The following GCNT2 variants were observed in gnomAD, a reference collection of about 807,000 sequenced individuals.
GCNT2 encodes glucosaminyl (N-acetyl) transferase 2 (I blood group).
A neutral mutation model predicts 34.2 loss-of-function variants in GCNT2; 34 were observed. That is an observed-to-expected ratio of 1.00 (90% CI 0.76 to 1.32). The LOEUF is 1.32. Among genes scored for constraint, GCNT2 ranks in the 40% most tolerant of loss-of-function variants. The probability of loss-of-function intolerance (pLI) is 0.00; values close to 1 mark genes in which losing one functional copy is unlikely to be tolerated. For synonymous variants in GCNT2, 212 were observed against 188.0 expected (o/e 1.13, Z -1.04); for missense variants, 584 against 489.4 (o/e 1.19, Z -1.82).
intron 3 of GCNT2, among the ~76,000 whole-genome samples, chr6:10,537,707 AAAAAAAAAAAAAAAAAAAAC>A: frequency 1.8e-5 from 1 of 55,702 alleles, no homozygotes; most frequent in African/African-American, 4.5e-5. Context: ...GCAAAAAAAA[AAAAAAAAAAAAAAAAAAAAC>A]AAAACAAAGA....
At chr6:10,606,186 A>G (rs1765303654) in intron 3 of GCNT2, among the ~76,000 whole-genome samples, 1 of 152,216 alleles carries the variant, frequency 6.6e-6, no homozygotes, top group Non-Finnish European at 1.5e-5. Flanking sequence ...GTGGTGGTGC[A>G]TGCCTGTAAT....
intron 3 of GCNT2, among the ~76,000 whole-genome samples, chr6:10,618,622 C>G (rs148990817): frequency 1.4e-4 from 22 of 152,300 alleles, no homozygotes; most frequent in African/African-American, 4.3e-4. Context: ...GCTAAGCACA[C>G]AAATGTCGGT....
At chr6:10,528,485 G>T (rs1761306888) in intron 2 of GCNT2, 146 bp from the exon 3 acceptor site, 1 of 243,854 alleles carries the variant, frequency 4.1e-6, no homozygotes, top group Non-Finnish European at 8.1e-6. Context: ...ATAGTTACTA[G>T]ACTCTGGCCG....
chr6:10,562,154 G>A (rs11961807), intron 3 of GCNT2, among the ~76,000 whole-genome samples: 38,341 of 151,884 alleles, frequency 0.25, 5,078 homozygotes, highest in African/African-American at 0.32. Flanking sequence ...TCATCTCCCT[G>A]TGGGGAGACC....
chr6:10,574,804 C>T (rs759546221), intron 3 of GCNT2: 8 of 623,232 alleles, frequency 1.3e-5, no homozygotes, highest in Non-Finnish European at 2.1e-5. Context: ...CCCACTGGCT[C>T]TCATAAAGTG....
rs751226018 is a variant in GCNT2, at chr6:10,621,480, G to A, written c.1018+37G>A. Reference sequence around the variant, plus strand: ...GTTCCATGCTTCTAGGCCACTGCCTGTTGGTGTTAGCAGGAAGGTAGCTGT... The same window carrying A: ...GTTCCATGCTTCTAGGCCACTGCCTATTGGTGTTAGCAGGAAGGTAGCTGT... On this transcript the variant is annotated intron_variant, in intron 4 of 4. Transcript: ENST00000495262. The A allele has an allele frequency of 5.4e-6, 7 of 1,307,878 alleles. No homozygotes were observed. In the Admixed American group the frequency reaches 1.0e-4, roughly 19 times the overall value. 81.0% of individuals were successfully genotyped at this position (1,307,878 alleles called of 1,614,324 possible).
intron 3 of GCNT2, among the ~76,000 whole-genome samples, chr6:10,543,161 G>A (rs1272251114): frequency 1.3e-5 from 2 of 151,800 alleles, no homozygotes; most frequent in Non-Finnish European, 2.9e-5. Flanking sequence ...ACCAGCCTCG[G>A]CCTCCCAAAG....
intron 3 of GCNT2, among the ~76,000 whole-genome samples, chr6:10,568,320 C>T (rs1341244476): frequency 1.3e-5 from 2 of 152,172 alleles, no homozygotes; most frequent in Admixed American, 1.3e-4. Context: ...GTATGGCCAT[C>T]CTTCAAGTCA....
At chr6:10,558,080 T>TC (rs1271843059) in intron 3 of GCNT2, 1 of 152,340 alleles carries the variant, frequency 6.6e-6, no homozygotes, top group Non-Finnish European at 1.5e-5. Flanking sequence ...GCTCTGATAC[T>TC]CCCCCTCATT....
chr6:10,544,194 A>G (rs1053146103), intron 3 of GCNT2, among the ~76,000 whole-genome samples: 8 of 152,120 alleles, frequency 5.3e-5, no homozygotes, highest in Admixed American at 2.0e-4. Context: ...TGCGCCTGTA[A>G]TCCCAGCTAC....
At position 10,626,543 on chromosome 6, in the gene GCNT2, T is replaced by C. The variant is rs771297911; in HGVS notation, c.1145T>C (p.Leu382Pro). Residue 382 changes from leucine to proline, a missense_variant, in exon 5 of 5, where the codon CTG becomes CCG. Coordinates refer to ENST00000495262, the MANE Select transcript of GCNT2 (RefSeq NM_145649.5). Reference sequence around the variant, plus strand: ...CCCCTTACTGTGGAATGCCTAGAACTGAGGCATCGCGAAAGAACCCTCAAT... The same window carrying C: ...CCCCTTACTGTGGAATGCCTAGAACCGAGGCATCGCGAAAGAACCCTCAAT... ...TYPLTVECLE[L>P]RHRERTLNQS... 2 of 1,613,336 alleles carry C rather than the reference T, an allele frequency of 1.2e-6. No homozygotes were observed. The highest frequency in any genetic ancestry group is 1.7e-6 in the Non-Finnish European group (2 of 1,179,346).
chr6:10,621,511 C>T, intron 4 of GCNT2, 68 bp downstream of exon 4: 2 of 974,560 alleles, frequency 2.1e-6, no homozygotes, highest in South Asian at 1.3e-5. Context: ...GCTGTGGAAT[C>T]CAGGGTTCTC....
chr6:10,526,609 G>A (rs1761200382), intron 1 of GCNT2, among the ~76,000 whole-genome samples: 1 of 152,000 alleles, frequency 6.6e-6, no homozygotes, highest in Non-Finnish European at 1.5e-5. Flanking sequence ...TGGCTGTGTT[G>A]CCTAGGCAGG....
At chr6:10,546,051 G>T (rs138649860) in intron 3 of GCNT2, among the ~76,000 whole-genome samples, 1 of 152,050 alleles carries the variant, frequency 6.6e-6, no homozygotes, top group African/African-American at 2.4e-5. Flanking sequence ...TTCCTGTAAC[G>T]GCAGCCTCTT....
intron 1 of GCNT2, among the ~76,000 whole-genome samples, chr6:10,523,374 CG>C (rs1761016804): frequency 6.8e-6 from 1 of 148,090 alleles, no homozygotes; most frequent in Non-Finnish European, 1.5e-5. Context: ...TTCAGTGAGC[CG>C]GGATGGCGTC....
At chr6:10,558,712 G>A (rs1254730541) in intron 3 of GCNT2, among the ~76,000 whole-genome samples, 1 of 152,250 alleles carries the variant, frequency 6.6e-6, no homozygotes, top group African/African-American at 2.4e-5. Flanking sequence ...AGGCTGCAGG[G>A]CAGGGCCTGC....
At chr6:10,592,331 C>T (rs531388573) in intron 3 of GCNT2, among the ~76,000 whole-genome samples, 2 of 152,236 alleles carry the variant, frequency 1.3e-5, no homozygotes, top group Non-Finnish European at 2.9e-5. Flanking sequence ...CAAAATATTG[C>T]GTTAGTGATG....
At chr6:10,614,311 G>A (rs563964118) in intron 3 of GCNT2, among the ~76,000 whole-genome samples, 1 of 152,084 alleles carries the variant, frequency 6.6e-6, no homozygotes, top group Admixed American at 6.5e-5. Context: ...AGGGCAAATT[G>A]AAATGGGTTG....
chr6:10,545,087 C>T (rs902455266), intron 3 of GCNT2, among the ~76,000 whole-genome samples: 2 of 152,104 alleles, frequency 1.3e-5, no homozygotes, highest in African/African-American at 4.8e-5. Context: ...TGTAAACCAT[C>T]ATTCCTCTTT....
Sources: gnomAD v4.1 joint callset for allele counts (sites outside exome capture counted in the v4.1 genomes callset) on GRCh38, gnomAD v4.1.1 for gene constraint, MANE v1.5 for transcripts, NCBI Gene and HGNC (gene_info 2026-07-23, HGNC 2026-07-21) for gene names.